Variants in SNTG1 observed in about 807,000 individuals in gnomAD.
The protein encoded by SNTG1 is gamma-1-syntrophin.
SNTG1 carries 39 observed loss-of-function variants against 74.7 expected under a neutral mutation model. The observed-to-expected ratio is 0.52, with a 90% CI of 0.40 to 0.68. The LOEUF is 0.68. Among genes scored for constraint, SNTG1 ranks in the 30% least tolerant of loss-of-function variants. SNTG1 has a pLI of 0.00. For missense variants in SNTG1, 685 were observed against 609.5 expected (o/e 1.12, Z -1.30); for synonymous variants, 254 against 217.1 (o/e 1.17, Z -1.49).
chr8:50,007,259 T>C (rs2130520791), intron 1 of SNTG1, among the ~76,000 whole-genome samples: 1 of 152,282 alleles, frequency 6.6e-6, no homozygotes, highest in South Asian at 2.1e-4. Context: ...TGGGATAATA[T>C]GACATCCTAC....
intron 13 of SNTG1, chr8:50,644,352 A>C (rs1266613569): frequency 1.3e-5 from 2 of 152,328 alleles, no homozygotes; most frequent in African/African-American, 4.8e-5. Flanking sequence ...CTGAGACAGC[A>C]AGACAAATAC....
intron 2 of SNTG1, among the ~76,000 whole-genome samples, chr8:50,256,281 T>A (rs1236288274): frequency 6.6e-6 from 1 of 152,166 alleles, no homozygotes; most frequent in East Asian, 1.9e-4. Context: ...GCAGGTACTA[T>A]ATATTGTTTT....
At chr8:49,910,484 G>C (rs559649813), upstream of SNTG1, among the ~76,000 whole-genome samples, 1 of 152,244 alleles carries the variant, frequency 6.6e-6, no homozygotes, top group South Asian at 2.1e-4. Context: ...GGTCCACATG[G>C]CCCTGGTTTT....
At chr8:50,411,056 A>G (rs928745119) in intron 4 of SNTG1, among the ~76,000 whole-genome samples, 1 of 152,140 alleles carries the variant, frequency 6.6e-6, no homozygotes, top group African/African-American at 2.4e-5. Context: ...ATTTGATTGT[A>G]TGTTTATAAA....
intron 8 of SNTG1, among the ~76,000 whole-genome samples, chr8:50,481,464 T>C (rs992071274): frequency 6.6e-6 from 1 of 152,232 alleles, no homozygotes; most frequent in Non-Finnish European, 1.5e-5. Context: ...TTTGCTTTAT[T>C]TGGGGATTTT....
chr8:50,165,716 G>C (rs1042195731), intron 1 of SNTG1, among the ~76,000 whole-genome samples: 2 of 152,108 alleles, frequency 1.3e-5, no homozygotes. Flanking sequence ...CCCTGGATTG[G>C]AAAACCTTAG....
intron 17 of SNTG1, among the ~76,000 whole-genome samples, chr8:50,734,575 A>G (rs1038325116): frequency 3.4e-4 from 51 of 150,078 alleles, no homozygotes; most frequent in African/African-American, 1.2e-3. Context: ...ATTTTGAACT[A>G]TGTTGTTTCC....
chr8:50,338,772 C>A (rs2091231149), intron 2 of SNTG1, among the ~76,000 whole-genome samples: 1 of 151,810 alleles, frequency 6.6e-6, no homozygotes, highest in Non-Finnish European at 1.5e-5. Context: ...GAACCGTATA[C>A]CCAAGAAATG....
chr8:50,244,952 T>C (rs764064517), intron 2 of SNTG1, among the ~76,000 whole-genome samples: 1 of 152,218 alleles, frequency 6.6e-6, no homozygotes, highest in Non-Finnish European at 1.5e-5. Context: ...TATTGTACAG[T>C]TTAAAGTATG....
Position 50,553,159 on chromosome 8 carries a change from T to G in SNTG1, c.790T>G (p.Ser264Ala). 1 of 1,613,828 alleles carries G rather than the reference T, an allele frequency of 6.2e-7. No individual in the cohort carries two copies. Reference protein sequence around the residue: ...DWLQAIATNISNLTKHNIKKI... With the variant: ...DWLQAIATNIANLTKHNIKKI... ...GCTACAAGCAATAGCAACTAACATTTCAAATCTCACAAAGCACAATGTAAG... is the reference window on the plus strand; with the variant it reads ...GCTACAAGCAATAGCAACTAACATTGCAAATCTCACAAAGCACAATGTAAG... The change falls in exon 12 of 19, where the codon TCA (serine) becomes GCA (alanine). Residue 264 changes from serine (S) to alanine (A), a missense_variant. Coordinates refer to ENST00000642720, the MANE Select transcript of SNTG1 (RefSeq NM_018967.5).
intron 18 of SNTG1, among the ~76,000 whole-genome samples, chr8:50,752,843 T>C (rs1186415329): frequency 6.6e-6 from 1 of 152,134 alleles, no homozygotes; most frequent in African/African-American, 2.4e-5. Context: ...TCTCCTTCTT[T>C]TAACAAGGTG....
At chr8:50,673,224 A>G (rs11997970) in intron 15 of SNTG1, among the ~76,000 whole-genome samples, 51,826 of 151,922 alleles carry the variant, frequency 0.34, 11,188 homozygotes, top group African/African-American at 0.61. Flanking sequence ...AATGTCAATG[A>G]TAGTTGGATG....
chr8:50,554,675 A>G (rs1044941362), intron 12 of SNTG1, among the ~76,000 whole-genome samples: 5 of 152,068 alleles, frequency 3.3e-5, no homozygotes, highest in African/African-American at 1.2e-4. Context: ...TAGGTTTCAG[A>G]ATGACTGAAA....
chr8:50,170,255 C>A (rs4873127), intron 1 of SNTG1, among the ~76,000 whole-genome samples: 42,124 of 151,772 alleles, frequency 0.28, 5,938 homozygotes, highest in Middle Eastern at 0.41. Flanking sequence ...TTTTTTAATT[C>A]AAGAGGCTTA....
intron 2 of SNTG1, among the ~76,000 whole-genome samples, chr8:50,294,397 G>A (rs977403888): frequency 5.9e-5 from 9 of 152,144 alleles, no homozygotes; most frequent in African/African-American, 1.9e-4. Flanking sequence ...TAGGACATGT[G>A]TATATATTAA....
chr8:50,384,059 T>C (rs1190245408), intron 2 of SNTG1, among the ~76,000 whole-genome samples: 8 of 152,202 alleles, frequency 5.3e-5, no homozygotes, highest in Admixed American at 4.6e-4. Context: ...AGAGTAATAC[T>C]GAGAGGCACT....
intron 13 of SNTG1, among the ~76,000 whole-genome samples, chr8:50,654,453 G>T (rs2095168169): frequency 6.6e-6 from 1 of 151,990 alleles, no homozygotes; most frequent in South Asian, 2.1e-4. Context: ...GATATACCCT[G>T]ATGAAAGTTT....
chr8:50,463,031 G>C (rs866028749), intron 8 of SNTG1, among the ~76,000 whole-genome samples: 1 of 151,960 alleles, frequency 6.6e-6, no homozygotes, highest in Admixed American at 6.6e-5. Context: ...TGGCCAGGCT[G>C]GTCTTGAACT....
rs1819766073 is a variant in SNTG1 at position 50,053,623 on chromosome 8, T to TGTGTGTG, written c.-102-118938_-102-118937insGTGTGTG. Reference sequence around the variant, plus strand: ...TATGCATATATATAAATATATATAATTGTGTGTGTGTGTGTGTGTGTGTGT... The same window carrying TGTGTGTG: ...TATGCATATATATAAATATATATAATGTGTGTGTGTGTGTGTGTGTGTGTGTGTGTGT... On this transcript the variant is annotated intron_variant, in intron 1 of 18. Transcript: ENST00000642720. Among the ~76,000 whole-genome samples the TGTGTGTG allele has an allele frequency of 3.7e-5, 5 of 134,466 alleles. 1 individual carries two copies. The highest frequency in any genetic ancestry group is 4.9e-4 in the South Asian group (2 of 4,100). 88.2% of individuals were successfully genotyped at this position (134,466 alleles called of 152,430 possible).
Sources: gnomAD v4.1 joint callset for allele counts (sites outside exome capture counted in the v4.1 genomes callset) on GRCh38, gnomAD v4.1.1 for gene constraint, MANE v1.5 for transcripts, NCBI Gene and HGNC (gene_info 2026-07-23, HGNC 2026-07-21) for gene names.